SANBR: variants seen among roughly 807,000 people sequenced by gnomAD.
The protein encoded by SANBR is SANT and BTB domain regulator of class switch recombination.
In SANBR, 77 loss-of-function variants were observed where a neutral mutation model predicts 101.8. The ratio of observed to expected loss-of-function variants is 0.76; its 90% confidence interval spans 0.63 to 0.91. The LOEUF (loss-of-function observed/expected upper bound fraction) is 0.91, where lower values mean the gene tolerates loss of function less well. Among genes scored for constraint, SANBR ranks in the 40% least tolerant of loss-of-function variants. The pLI is 0.00. For synonymous variants in SANBR, 279 were observed against 274.7 expected, an observed-to-expected ratio of 1.02 and a Z score of -0.15; for missense variants, 875 against 853.0, an observed-to-expected ratio of 1.03 and a Z score of -0.32.
intron 19 of SANBR, 134 bp from the exon 20 acceptor site, chr2:61,117,894 T>C (rs1050186945): frequency 4.1e-5 from 28 of 686,116 alleles, no homozygotes; most frequent in South Asian, 2.0e-5. Flanking sequence ...TTCACAGATA[T>C]ATAGATGTAT....
chr2:61,093,842 G>C (rs527293263), intron 11 of SANBR, among the ~76,000 whole-genome samples: 2 of 152,262 alleles, frequency 1.3e-5, no homozygotes, highest in African/African-American at 4.8e-5. Context: ...TATAATAAAA[G>C]CATAAGAAAA....
At chr2:61,134,346 G>A in intron 21 of SANBR, 1 of 1,431,336 alleles carries the variant, frequency 7.0e-7, no homozygotes, top group Admixed American at 2.4e-5. Flanking sequence ...ACTGTATTGT[G>A]CTTATTCCCA....
intron 11 of SANBR, chr2:61,093,913 C>T (rs1472788848): frequency 1.2e-5 from 2 of 161,754 alleles, no homozygotes; most frequent in East Asian, 1.9e-4. Flanking sequence ...TTTTCTAAGT[C>T]ACAGTCATTC....
intron 8 of SANBR, among the ~76,000 whole-genome samples, chr2:61,087,313 C>G (rs973629919): frequency 1.3e-5 from 2 of 151,934 alleles, no homozygotes; most frequent in South Asian, 4.2e-4. Flanking sequence ...CTCAGCACTT[C>G]GGGAGGCCAA....
chr2:61,087,664 A>G (rs1203624408), intron 8 of SANBR, among the ~76,000 whole-genome samples: 3 of 152,130 alleles, frequency 2.0e-5, no homozygotes, highest in Non-Finnish European at 1.5e-5. Flanking sequence ...ATCCTGGCCA[A>G]TATGGTGAAA....
At chr2:61,069,555 A>G (rs1259554860) in intron 2 of SANBR, 1 of 152,334 alleles carries the variant, frequency 6.6e-6, no homozygotes, top group Non-Finnish European at 1.5e-5. Context: ...TGGAGATTGT[A>G]TTCCCAACCC....
chr2:61,134,068 C>G lies in SANBR; in HGVS notation c.2029-69C>G, dbSNP rs974840983. On this transcript the variant is annotated intron_variant, in intron 20 of 21. Coordinates refer to the SANBR transcript ENST00000295031. ...ACAGCTACATCATTTTGTTTAATCT[C>G]TTCTTGTGTTTGCCTGGGTGTGTAT... 12 of 1,585,568 alleles carry G rather than the reference C, an allele frequency of 7.6e-6. No homozygotes were observed. In the African/African-American group the frequency reaches 1.6e-4, roughly 21 times the overall value.
intron 1 of SANBR, among the ~76,000 whole-genome samples, chr2:61,067,488 A>G (rs1165125633): frequency 6.6e-6 from 1 of 152,224 alleles, no homozygotes; most frequent in Non-Finnish European, 1.5e-5. Flanking sequence ...CTGTAATCCC[A>G]GCACTTTGGG....
At chr2:61,074,674 G>A (rs1342148746) in intron 5 of SANBR, among the ~76,000 whole-genome samples, 2 of 152,148 alleles carry the variant, frequency 1.3e-5, no homozygotes, top group African/African-American at 4.8e-5. Flanking sequence ...AAAGTGCTGG[G>A]ATTACAGGTG....
chr2:61,108,359 C>G lies in SANBR; in HGVS notation c.1644+10C>G. ...CTGGACTCTACAACTGGTAAGTGAG[C>G]AATTACAGTTAGCATTCATGGATCT... On this transcript the variant is annotated intron_variant, in intron 15 of 21. Transcript: ENST00000402291. The G allele has an allele frequency of 6.5e-7, 1 of 1,535,886 alleles. No homozygotes were observed. Among genetic ancestry groups the G allele is most frequent in the South Asian group, 1.2e-5 (1 of 83,910 alleles).
chr2:61,068,578 A>G (rs1681299901), intron 1 of SANBR, among the ~76,000 whole-genome samples: 1 of 152,204 alleles, frequency 6.6e-6, no homozygotes, highest in South Asian at 2.1e-4. Context: ...CATTGGAGCC[A>G]TAGGTTGCAC....
chr2:61,129,608 A>G (rs1202013793), intron 20 of SANBR, among the ~76,000 whole-genome samples: 3 of 152,204 alleles, frequency 2.0e-5, no homozygotes, highest in African/African-American at 7.2e-5. Flanking sequence ...ACTATACCAA[A>G]GAAATGTAAT....
At chr2:61,129,766 T>G (rs1239168784) in intron 20 of SANBR, among the ~76,000 whole-genome samples, 1 of 152,048 alleles carries the variant, frequency 6.6e-6, no homozygotes, top group African/African-American at 2.4e-5. Flanking sequence ...AAATATGTAT[T>G]TATAGGCTAA....
intron 21 of SANBR, chr2:61,121,542 A>G: frequency 3.3e-6 from 1 of 298,630 alleles, no homozygotes; most frequent in Non-Finnish European, 6.4e-6. Context: ...AATGTAAGCT[A>G]TAGTGCTACT....
At chr2:61,107,382 C>T (rs1365176196) in intron 14 of SANBR, among the ~76,000 whole-genome samples, 1 of 152,030 alleles carries the variant, frequency 6.6e-6, no homozygotes, top group Non-Finnish European at 1.5e-5. Context: ...CAGAGTGAGA[C>T]CCTGTCTCAA....
Position 61,123,332 on chromosome 2 carries a change from C to A in SANBR, c.*1170C>A. The A allele has an allele frequency of 2.0e-6, 2 of 978,056 alleles. No homozygotes were observed. The highest frequency in any genetic ancestry group is 2.4e-6 in the Non-Finnish European group (2 of 823,264). The allele number at this position is 978,056 out of a possible 1,614,324, so 60.6% of individuals were successfully genotyped here. On this transcript the variant is annotated 3_prime_UTR_variant, in exon 22 of 22. Coordinates refer to ENST00000402291, the MANE Select transcript of SANBR (RefSeq NM_001129993.3). The stretch of plus-strand genomic sequence containing the variant: ...ATAATGTGTGACAAAAGAGCAATTT[C>A]CATTGAAATATTGAAGTGTTACACT...
At chr2:61,074,270 A>G (rs1231893288) in intron 5 of SANBR, among the ~76,000 whole-genome samples, 2 of 152,254 alleles carry the variant, frequency 1.3e-5, no homozygotes, top group Non-Finnish European at 2.9e-5. Flanking sequence ...TGATTGCACA[A>G]CAGTGTGAAT....
chr2:61,116,117 A>G (rs1377846800), intron 17 of SANBR, 47 bp downstream of exon 17: 14 of 1,275,460 alleles, frequency 1.1e-5, no homozygotes, highest in Non-Finnish European at 1.2e-5. Flanking sequence ...AAAAATAAGC[A>G]TGTGAGTATA....
chr2:61,093,838 A>G (rs928721080), intron 11 of SANBR, among the ~76,000 whole-genome samples: 4 of 152,242 alleles, frequency 2.6e-5, no homozygotes, highest in African/African-American at 9.6e-5. Context: ...TGTTTATAAT[A>G]AAAGCATAAG....
Sources: allele counts gnomAD v4.1 joint callset (sites outside exome capture counted in the v4.1 genomes callset), GRCh38; gene constraint gnomAD v4.1.1; transcripts MANE v1.5; gene names NCBI Gene and HGNC (gene_info 2026-07-23, HGNC 2026-07-21).